The following CRIM1 variants were observed in gnomAD, a reference collection of about 807,000 sequenced individuals.
The protein encoded by CRIM1 is cysteine-rich motor neuron 1 protein.
Under a neutral mutation model 116.4 loss-of-function variants are expected in CRIM1, and 32 were observed. The observed-to-expected ratio is 0.27, with a 90% CI of 0.21 to 0.37. The LOEUF (loss-of-function observed/expected upper bound fraction) is 0.37, where lower values mean the gene tolerates loss of function less well. CRIM1 is among the 10% of genes least tolerant of loss of function. CRIM1 has a pLI of 1.00. For synonymous variants in CRIM1, 590 were observed against 509.2 expected (o/e 1.16, Z -2.13); for missense variants, 1,331 against 1,354.8 (o/e 0.98, Z 0.28).
intron 4 of CRIM1, among the ~76,000 whole-genome samples, chr2:36,453,298 T>G (rs1355710797): frequency 1.3e-5 from 2 of 152,254 alleles, no homozygotes; most frequent in Non-Finnish European, 2.9e-5. Flanking sequence ...GCAAGTGGTT[T>G]GTAAATTATT....
At chr2:36,459,598 G>C (rs960614278) in intron 4 of CRIM1, among the ~76,000 whole-genome samples, 29 of 152,184 alleles carry the variant, frequency 1.9e-4, no homozygotes, top group Admixed American at 7.9e-4. Flanking sequence ...ACGTACTGTT[G>C]CAAGTCAGAG....
intron 8 of CRIM1, among the ~76,000 whole-genome samples, chr2:36,503,515 A>T (rs1035319925): frequency 2.0e-5 from 3 of 152,142 alleles, no homozygotes; most frequent in African/African-American, 7.2e-5. Context: ...GCTAGCCAAC[A>T]TGGAAAGCCC....
At chr2:36,466,043 A>T (rs538095506) in intron 5 of CRIM1, among the ~76,000 whole-genome samples, 66 of 84,858 alleles carry the variant, frequency 7.8e-4, no homozygotes, top group African/African-American at 2.4e-3. Context: ...CCGCCACCAC[A>T]CGCGGCTAAT....
intron 7 of CRIM1, among the ~76,000 whole-genome samples, chr2:36,498,855 A>G (rs1680787377): frequency 6.6e-6 from 1 of 152,244 alleles, no homozygotes; most frequent in Non-Finnish European, 1.5e-5. Context: ...ATTATTATAA[A>G]AAATAAACCG....
intron 2 of CRIM1, among the ~76,000 whole-genome samples, chr2:36,418,248 G>A (rs1367721193): frequency 6.6e-6 from 1 of 152,168 alleles, no homozygotes; most frequent in African/African-American, 2.4e-5. Flanking sequence ...AAGGCCCCAG[G>A]TAACACGACA....
intron 13 of CRIM1, among the ~76,000 whole-genome samples, chr2:36,534,091 AAAGG>A (rs1240019565): frequency 7.9e-5 from 10 of 127,206 alleles, no homozygotes; most frequent in South Asian, 2.8e-4. Flanking sequence ...GAGAGAGGGG[AAAGG>A]AAGGAAGGAG....
chr2:36,510,490 G>A (rs933503762), intron 9 of CRIM1, among the ~76,000 whole-genome samples: 2 of 152,102 alleles, frequency 1.3e-5, no homozygotes, highest in African/African-American at 2.4e-5. Context: ...CTGTCCCAAG[G>A]TCTATTTGTG....
intron 2 of CRIM1, among the ~76,000 whole-genome samples, chr2:36,410,180 C>G (rs768673244): frequency 2.6e-5 from 4 of 152,152 alleles, no homozygotes; most frequent in Non-Finnish European, 2.9e-5. Flanking sequence ...TGGAATGTCC[C>G]TCTAAATCGA....
chr2:36,525,980 C>T (rs1483461740), intron 13 of CRIM1, among the ~76,000 whole-genome samples: 1 of 152,028 alleles, frequency 6.6e-6, no homozygotes, highest in South Asian at 2.1e-4. Context: ...TTTTGATGTT[C>T]GAGGGCCTCA....
At chr2:36,499,469 G>A in intron 8 of CRIM1, 122 bp downstream of exon 8, 1 of 989,458 alleles carries the variant, frequency 1.0e-6, no homozygotes, top group Non-Finnish European at 1.5e-6. Context: ...CTGAAAAAAA[G>A]GGGAAAAAAG....
rs1185655707 is a variant in CRIM1 at position 36,355,821 on chromosome 2, T to C, written c.-472T>C. 6.6e-6 allele frequency: 1 copy of C among 150,934 alleles called. No individual in the cohort carries two copies. The highest frequency in any genetic ancestry group is 1.5e-5 in the Non-Finnish European group (1 of 67,726). The allele number at this position is 150,934 out of a possible 1,614,324, so 9.3% of individuals were successfully genotyped here. On this transcript the variant is annotated 5_prime_UTR_variant, in exon 1 of 17. Transcript: ENST00000280527. Reference sequence around the variant, plus strand: ...GCGCGCGGAGCGGACGCCGCGGATCTTGTGCTGCGCCACCGCGCCCACTCG... The same window carrying C: ...GCGCGCGGAGCGGACGCCGCGGATCCTGTGCTGCGCCACCGCGCCCACTCG...
chr2:36,433,185 C>T (rs79421059), intron 2 of CRIM1, among the ~76,000 whole-genome samples: 1,775 of 152,186 alleles, frequency 0.012, 43 homozygotes, highest in African/African-American at 0.041. Flanking sequence ...GATTCTGATT[C>T]AGTAGGACTG....
At chr2:36,382,704 T>G (rs754229249) in intron 1 of CRIM1, among the ~76,000 whole-genome samples, 1 of 152,250 alleles carries the variant, frequency 6.6e-6, no homozygotes, top group Middle Eastern at 3.2e-3. Context: ...AGTTGGCCTG[T>G]GTCTCCTGGC....
At chr2:36,511,517 G>T (rs1664679314) in intron 9 of CRIM1, among the ~76,000 whole-genome samples, 1 of 152,200 alleles carries the variant, frequency 6.6e-6, no homozygotes, top group African/African-American at 2.4e-5. Context: ...TATCACAATA[G>T]TAGGTAGCTT....
intron 13 of CRIM1, among the ~76,000 whole-genome samples, chr2:36,525,294 C>T (rs955469527): frequency 1.3e-5 from 2 of 152,202 alleles, no homozygotes; most frequent in Non-Finnish European, 2.9e-5. Context: ...CATACGAAGT[C>T]AAGTTCATGA....
chr2:36,438,130 CAA>C, intron 2 of CRIM1, among the ~76,000 whole-genome samples: 1 of 100,428 alleles, frequency 1.0e-5, no homozygotes, highest in Admixed American at 1.1e-4. Context: ...GACTCCATCT[CAA>C]AAAAAAAAAA....
At position 36,380,981 on chromosome 2, in the gene CRIM1, G is replaced by A. The variant is rs116161028; in HGVS notation, c.332-15633G>A. On this transcript the variant is annotated intron_variant, in intron 1 of 16. Transcript: ENST00000280527. The stretch of plus-strand genomic sequence containing the variant: ...GGAGCTTTCTCTTGCCCACTCTGGA[G>A]AGAACTCCTGGGGCCCCCCCGCTGC... Among the ~76,000 whole-genome samples, 775 of 152,346 alleles carry A rather than the reference G, an allele frequency of 5.1e-3. 3 individuals carry two copies. The highest frequency in any genetic ancestry group is 0.017 in the African/African-American group (697 of 41,578).
intron 7 of CRIM1, among the ~76,000 whole-genome samples, chr2:36,489,008 G>A (rs1680038763): frequency 6.6e-6 from 1 of 152,092 alleles, no homozygotes; most frequent in South Asian, 2.1e-4. Flanking sequence ...ATCCCTGACT[G>A]CAGCTTATTC....
chr2:36,440,100 C>T (rs1675678519), intron 2 of CRIM1, among the ~76,000 whole-genome samples: 1 of 152,138 alleles, frequency 6.6e-6, no homozygotes, highest in African/African-American at 2.4e-5. Context: ...AAAAGAGATC[C>T]ACTGCTATGA....
Sources: gnomAD v4.1 joint callset for allele counts (sites outside exome capture counted in the v4.1 genomes callset) on GRCh38, gnomAD v4.1.1 for gene constraint, MANE v1.5 for transcripts, NCBI Gene and HGNC (gene_info 2026-07-23, HGNC 2026-07-21) for gene names.